CD44: variants seen among roughly 807,000 people sequenced by gnomAD.
CD44 encodes the protein CD44 antigen.
A neutral mutation model predicts 88.8 loss-of-function variants in CD44; 49 were observed. That is an observed-to-expected ratio of 0.55 (90% confidence interval 0.44 to 0.70). The LOEUF (loss-of-function observed/expected upper bound fraction) is 0.70, where lower values mean the gene tolerates loss of function less well. CD44 is among the 30% of genes least tolerant of loss of function. The pLI is 0.00. For missense variants in CD44, 883 were observed against 913.8 expected (o/e 0.97, Z 0.43); for synonymous variants, 325 against 312.3 (o/e 1.04, Z -0.43).
intron 14 of CD44, chr11:35,212,681 C>T (rs1277155511): frequency 6.6e-6 from 1 of 152,102 alleles, no homozygotes; most frequent in Non-Finnish European, 1.5e-5. Context: ...AAGACAAAGC[C>T]CCTTACACTC....
intron 1 of CD44, among the ~76,000 whole-genome samples, chr11:35,158,659 A>G (rs1054625305): frequency 1.2e-4 from 18 of 152,190 alleles, no homozygotes; most frequent in African/African-American, 4.3e-4. Context: ...AAATGATTCC[A>G]GCTGCCTCTG....
intron 4 of CD44, among the ~76,000 whole-genome samples, chr11:35,189,491 G>A (rs1252171821): frequency 4.6e-5 from 7 of 152,202 alleles, no homozygotes. Flanking sequence ...ACTGTATTTT[G>A]AATACTGTGC....
Position 35,211,328 on chromosome 11 carries a change from T to G in CD44, c.1689T>G (p.His563Gln). Residue 563 changes from histidine to glutamine, a missense_variant, in exon 14 of 18, where the codon CAT becomes CAG. Physicochemically the swap from His to Gln is conservative, Grantham distance 24 (BLOSUM62 0). This residue lies in a region of CD44 where 631 missense variants were observed against 590.9 expected (regional missense o/e 1.07). Transcript: ENST00000428726. ...CTTTACTGGAAGGTTATACCTCTCA[T>G]TACCCACACACGAAGGAAAGCAGGA... ...STTLLEGYTS[H>Q]YPHTKESRTF... 1.9e-6 allele frequency: 3 copies of G among 1,613,984 alleles called. No homozygotes were observed. The highest frequency in any genetic ancestry group is 2.7e-5 in the African/African-American group (2 of 75,028).
At chr11:35,206,289 C>G (rs752516434) in intron 11 of CD44, 46 bp downstream of exon 11, 2 of 1,541,938 alleles carry the variant, frequency 1.3e-6, no homozygotes, top group African/African-American at 1.4e-5. Flanking sequence ...TTGAAATCCA[C>G]TGAGTGACTG....
chr11:35,206,700 C>T (rs1947900071), intron 11 of CD44, among the ~76,000 whole-genome samples: 2 of 151,134 alleles, frequency 1.3e-5, no homozygotes, highest in African/African-American at 4.9e-5. Context: ...GAAGGAGACT[C>T]CTGTAAGGAG....
At chr11:35,214,349 T>A (rs1425333367) in intron 14 of CD44, among the ~76,000 whole-genome samples, 1 of 152,212 alleles carries the variant, frequency 6.6e-6, no homozygotes, top group African/African-American at 2.4e-5. Flanking sequence ...CATCATTCAA[T>A]CCCAAGATTC....
At chr11:35,196,725 A>G (rs1242930364) in intron 5 of CD44, 21 bp from the exon 6 acceptor site, 1 of 1,612,224 alleles carries the variant, frequency 6.2e-7, no homozygotes, top group Admixed American at 1.7e-5. Flanking sequence ...TCAACAATCA[A>G]TTCAATCATG....
At chr11:35,229,035 T>C (rs1949916216) in intron 17 of CD44, 94 bp from the exon 18 acceptor site, 14 of 1,049,032 alleles carry the variant, frequency 1.3e-5, no homozygotes, top group Non-Finnish European at 2.0e-5. Flanking sequence ...TCATAAACCA[T>C]AGTGATCATC....
intron 1 of CD44, among the ~76,000 whole-genome samples, chr11:35,149,183 C>G: frequency 6.6e-6 from 1 of 152,170 alleles, no homozygotes; most frequent in East Asian, 1.9e-4. Flanking sequence ...CAACAATACT[C>G]AGAGAAAAAT....
rs1164648666 is a variant in CD44, at chr11:35,211,256, T to C, written c.1617T>C (p.Asp539=). 5.0e-6 allele frequency: 8 copies of C among 1,613,150 alleles called. No homozygotes were observed. Among genetic ancestry groups the C allele is most frequent in the Non-Finnish European group, 6.8e-6 (8 of 1,179,144 alleles). ...TCCACCTCCACACAGATAGGAATGATGTCACAGGTGGAAGAAGAGACCCAA... is the reference window on the plus strand; with the variant it reads ...TCCACCTCCACACAGATAGGAATGACGTCACAGGTGGAAGAAGAGACCCAA... The part of the protein sequence containing the change: ...TSTLTSSNRN[D]VTGGRRDPNH... The change falls in exon 14 of 18, where the codon GAT becomes GAC. Residue 539 remains aspartate, a synonymous_variant. Coordinates refer to ENST00000428726, the MANE Select transcript of CD44 (RefSeq NM_000610.4).
chr11:35,220,012 T>TA (rs1949156932), intron 16 of CD44, among the ~76,000 whole-genome samples: 1 of 152,206 alleles, frequency 6.6e-6, no homozygotes, highest in African/African-American at 2.4e-5. Flanking sequence ...GACTTGGAAT[T>TA]AAAATTGATT....
At chr11:35,214,784 G>A (rs994336837) in intron 14 of CD44, 68 bp from the exon 15 acceptor site, 17 of 887,192 alleles carry the variant, frequency 1.9e-5, no homozygotes, top group Non-Finnish European at 2.8e-5. Flanking sequence ...GAATGCAAAG[G>A]TAAAGAAATG....
At position 35,147,638 on chromosome 11, in the gene CD44, T is replaced by C. The variant is rs572256330; in HGVS notation, c.67+8268T>C. On this transcript the variant is annotated intron_variant, in intron 1 of 17. Coordinates refer to ENST00000428726, the MANE Select transcript of CD44 (RefSeq NM_000610.4). ...CAACTTTTTTTTTTTTCAATTTTAG[T>C]GCATCTCTTTACACTTAACAGGTCT... 2.6e-5 allele frequency among the ~76,000 whole-genome samples: 4 copies of C among 151,628 alleles called. No homozygotes were observed. The East Asian group carries it at 7.8e-4, about 29-fold the overall frequency.
At chr11:35,147,264 C>A (rs1271447569) in intron 1 of CD44, among the ~76,000 whole-genome samples, 1 of 152,190 alleles carries the variant, frequency 6.6e-6, no homozygotes, top group East Asian at 1.9e-4. Context: ...GTCTTCTCTC[C>A]ACCGGCTAGA....
At chr11:35,223,694 T>G (rs1347300896) in intron 17 of CD44, among the ~76,000 whole-genome samples, 1 of 152,200 alleles carries the variant, frequency 6.6e-6, no homozygotes, top group East Asian at 1.9e-4. Flanking sequence ...TACTATGTCC[T>G]GATTTGATAA....
intron 17 of CD44, chr11:35,223,356 G>A (rs903080846): frequency 1.1e-6 from 1 of 873,114 alleles, no homozygotes; most frequent in African/African-American, 1.8e-5. Context: ...CCAAGCCCTA[G>A]AATGCACCAC....
At chr11:35,218,496 T>C (rs528109942) in intron 15 of CD44, among the ~76,000 whole-genome samples, 86 of 152,218 alleles carry the variant, frequency 5.6e-4, no homozygotes, top group Non-Finnish European at 1.2e-3. Flanking sequence ...GCCTGGCTAA[T>C]TTTTGTATTT....
At chr11:35,162,649 G>A (rs1362320942) in intron 1 of CD44, among the ~76,000 whole-genome samples, 1 of 152,176 alleles carries the variant, frequency 6.6e-6, no homozygotes, top group East Asian at 1.9e-4. Context: ...GAAGAGGTGT[G>A]AATTACAAGC....
At chr11:35,159,745 T>C (rs1041480261) in intron 1 of CD44, among the ~76,000 whole-genome samples, 3 of 152,230 alleles carry the variant, frequency 2.0e-5, no homozygotes, top group South Asian at 2.1e-4. Context: ...CTGAGGCTCA[T>C]AAAGCGGACG....
Sources: gnomAD v4.1 joint callset for allele counts (sites outside exome capture counted in the v4.1 genomes callset) on GRCh38, gnomAD v4.1.1 for gene constraint, gnomAD v4.1.1 regional missense constraint, MANE v1.5 for transcripts, NCBI Gene and HGNC (gene_info 2026-07-23, HGNC 2026-07-21) for gene names.